Variants in ANKMY1 observed in about 807,000 individuals in gnomAD.
The protein encoded by ANKMY1 is ankyrin repeat and MYND domain-containing protein 1.
A neutral mutation model predicts 102.0 loss-of-function variants in ANKMY1; 98 were observed. That is an observed-to-expected ratio of 0.96 (90% CI 0.82 to 1.14). ANKMY1 has a LOEUF of 1.14. Among genes scored for constraint, ANKMY1 ranks in the 50% most tolerant of loss-of-function variants. The pLI is 0.00. For missense variants in ANKMY1, 1,330 were observed against 1,347.6 expected (o/e 0.99, Z 0.20); for synonymous variants, 582 against 559.9 (o/e 1.04, Z -0.56).
chr2:240,516,660 C>T (rs1469418146), intron 9 of ANKMY1, among the ~76,000 whole-genome samples: 1 of 152,214 alleles, frequency 6.6e-6, no homozygotes, highest in Non-Finnish European at 1.5e-5. Flanking sequence ...CACAAAGTGA[C>T]TTACAATCAA....
chr2:240,526,168 A>C (rs2083349111), intron 6 of ANKMY1, 61 bp downstream of exon 6: 1 of 1,596,560 alleles, frequency 6.3e-7, no homozygotes, highest in Admixed American at 1.7e-5. Flanking sequence ...AGGGCCACCC[A>C]CATGTGTGAC....
chr2:240,502,980 C>A (rs895966864), intron 13 of ANKMY1, among the ~76,000 whole-genome samples: 25 of 152,166 alleles, frequency 1.6e-4, no homozygotes, highest in Admixed American at 6.5e-5. Context: ...GCCCCTCCAT[C>A]CCCAGAGCCC....
chr2:240,490,475 G>C (rs551985449), intron 15 of ANKMY1, among the ~76,000 whole-genome samples: 1 of 151,750 alleles, frequency 6.6e-6, no homozygotes, highest in Non-Finnish European at 1.5e-5. Context: ...TTTTATCTTC[G>C]TTTGTTTCAA....
At position 240,499,793 on chromosome 2, in the gene ANKMY1, G is replaced by A. The variant is rs572788857; in HGVS notation, c.2806+165C>T. Among the ~76,000 whole-genome samples, 1 of 152,220 alleles carries A rather than the reference G, an allele frequency of 6.6e-6. No individual in the cohort carries two copies. Among genetic ancestry groups the A allele is most frequent in the South Asian group, 2.1e-4 (1 of 4,824 alleles). ...CCCCACTTCTCAGTCTCTCCTGGAC[G>A]AGCTCCTTGGACGACGGGACACAAA... is the stretch of plus-strand genomic sequence containing the variant. On this transcript the variant is annotated intron_variant, in intron 15 of 17. Transcript: ENST00000401804. This position sits in a 1 kb window ranked among gnomAD's most constrained non-coding sequence, Gnocchi z 4.2.
At chr2:240,521,348 G>A (rs1343526330) in intron 8 of ANKMY1, among the ~76,000 whole-genome samples, 1 of 152,192 alleles carries the variant, frequency 6.6e-6, no homozygotes, top group East Asian at 1.9e-4. Context: ...GAGCTGCGTT[G>A]ACGTGGGTGC....
intron 11 of ANKMY1, among the ~76,000 whole-genome samples, chr2:240,510,486 C>T (rs2079964306): frequency 6.6e-6 from 1 of 152,090 alleles, no homozygotes; most frequent in Admixed American, 6.5e-5. Flanking sequence ...TTCACTAGGA[C>T]CTGACCTCTG....
intron 4 of ANKMY1, among the ~76,000 whole-genome samples, chr2:240,537,585 G>C (rs1391743452): frequency 6.6e-6 from 1 of 152,136 alleles, no homozygotes; most frequent in Non-Finnish European, 1.5e-5. Flanking sequence ...ACAACCATTT[G>C]GTTAAGCAGT....
At chr2:240,515,440 C>T (rs1324748709) in intron 9 of ANKMY1, among the ~76,000 whole-genome samples, 3 of 151,884 alleles carry the variant, frequency 2.0e-5, no homozygotes, top group Admixed American at 6.6e-5. Context: ...GAGGCTGGGG[C>T]AGGAAAATCA....
At chr2:240,479,740 G>A (rs1201601490) in intron 17 of ANKMY1, 85 bp from the exon 18 acceptor site, 3 of 1,263,284 alleles carry the variant, frequency 2.4e-6, no homozygotes, top group Admixed American at 3.4e-5. Flanking sequence ...CTCGGGCTGT[G>A]TGGGGCGGCT....
chr2:240,474,586 A>G (rs2074735304), downstream of ANKMY1, among the ~76,000 whole-genome samples: 1 of 152,176 alleles, frequency 6.6e-6, no homozygotes, highest in Admixed American at 6.5e-5. Context: ...ACCCTCAAGT[A>G]GGATTCAGTG....
chr2:240,540,817 C>T (rs2088551200), intron 4 of ANKMY1, among the ~76,000 whole-genome samples: 1 of 152,310 alleles, frequency 6.6e-6, no homozygotes, highest in East Asian at 1.9e-4. Flanking sequence ...ACGCATTGCT[C>T]GTGCATCAGC....
At chr2:240,469,912 G>A in the ANKMY1 span, among the ~76,000 whole-genome samples, 10 of 152,090 alleles carry the variant, frequency 6.6e-5, no homozygotes, top group African/African-American at 2.4e-4. Context: ...TCCTGCACAT[G>A]CATGCACTCA....
chr2:240,525,389 G>A (rs2083149959), intron 7 of ANKMY1, among the ~76,000 whole-genome samples: 1 of 152,246 alleles, frequency 6.6e-6, no homozygotes, highest in African/African-American at 2.4e-5. Flanking sequence ...TGGGGGCATT[G>A]TCATGGATGC....
chr2:240,536,111 G>A (rs899997281), intron 4 of ANKMY1, among the ~76,000 whole-genome samples: 1 of 152,042 alleles, frequency 6.6e-6, no homozygotes, highest in African/African-American at 2.4e-5. Context: ...TAAACCATGG[G>A]TCGAGAGGAA....
chr2:240,491,066 C>T (rs1320922623), intron 15 of ANKMY1, among the ~76,000 whole-genome samples: 1 of 148,484 alleles, frequency 6.7e-6, no homozygotes, highest in Non-Finnish European at 1.5e-5. Flanking sequence ...AGATTTATCC[C>T]TTTATCGTTA....
intron 4 of ANKMY1, among the ~76,000 whole-genome samples, chr2:240,535,706 T>C (rs1230374590): frequency 6.6e-6 from 1 of 152,210 alleles, no homozygotes; most frequent in Non-Finnish European, 1.5e-5. Flanking sequence ...ATTTATGGTT[T>C]GTAGGACATG....
chr2:240,538,250 C>T (rs35933147), intron 4 of ANKMY1, among the ~76,000 whole-genome samples: 22,262 of 152,120 alleles, frequency 0.15, 2,625 homozygotes, highest in East Asian at 0.65. Context: ...AGGCCGGAGC[C>T]GGCTCCCTCT....
chr2:240,478,102 G>T (rs536092849), downstream of ANKMY1, among the ~76,000 whole-genome samples: 1 of 152,150 alleles, frequency 6.6e-6, no homozygotes, highest in Admixed American at 6.5e-5. Flanking sequence ...GTGTGTGGCA[G>T]CCCCTCCCCT....
At chr2:240,511,607 G>A (rs886950965) in intron 11 of ANKMY1, among the ~76,000 whole-genome samples, 2 of 152,222 alleles carry the variant, frequency 1.3e-5, no homozygotes, top group East Asian at 3.9e-4. Flanking sequence ...TCCCAAACAC[G>A]TCTGACCAGG....
Sources: gnomAD v4.1 joint callset for allele counts (sites outside exome capture counted in the v4.1 genomes callset) on GRCh38, gnomAD v4.1.1 for gene constraint, Gnocchi (gnomAD v3.1) non-coding constraint, MANE v1.5 for transcripts, NCBI Gene and HGNC (gene_info 2026-07-23, HGNC 2026-07-21) for gene names.